The following FSHR variants were observed in gnomAD, a reference collection of about 807,000 sequenced individuals.
The protein encoded by FSHR is follicle stimulating hormone receptor.
In FSHR, 46 loss-of-function variants were observed where a neutral mutation model predicts 52.1. The ratio of observed to expected loss-of-function variants is 0.88; its 90% CI spans 0.70 to 1.13. The LOEUF (loss-of-function observed/expected upper bound fraction) is 1.13, where lower values mean the gene tolerates loss of function less well. Ranked by LOEUF, FSHR falls within the 50% of genes most tolerant of loss-of-function variation. FSHR has a pLI of 0.00. For synonymous variants in FSHR, 399 were observed against 309.6 expected, an observed-to-expected ratio of 1.29 and a Z score of -3.03; for missense variants, 964 against 834.6, an observed-to-expected ratio of 1.16 and a Z score of -1.91.
At chr2:49,123,483 T>A (rs1434130566) in intron 1 of FSHR, among the ~76,000 whole-genome samples, 1 of 152,064 alleles carries the variant, frequency 6.6e-6, no homozygotes, top group African/African-American at 2.4e-5. Flanking sequence ...TGAGACCCTG[T>A]CTCAAATTTT....
chr2:49,021,308 G>T (rs1667687777), intron 2 of FSHR, among the ~76,000 whole-genome samples: 1 of 152,124 alleles, frequency 6.6e-6, no homozygotes, highest in Admixed American at 6.5e-5. Context: ...CCCAGAGGTT[G>T]TGAGGAGAGA....
At chr2:49,006,754 C>T (rs1667088877) in intron 4 of FSHR, among the ~76,000 whole-genome samples, 1 of 152,100 alleles carries the variant, frequency 6.6e-6, no homozygotes, top group Non-Finnish European at 1.5e-5. Context: ...AGACTTTTCT[C>T]CCCAAAGGAC....
intron 1 of FSHR, among the ~76,000 whole-genome samples, chr2:49,092,107 C>G (rs139855705): frequency 2.7e-4 from 41 of 152,260 alleles, no homozygotes; most frequent in African/African-American, 9.6e-4. Flanking sequence ...AGGTTTACAA[C>G]TAAGTATTTC....
At chr2:49,086,374 A>G (rs1670392875) in intron 1 of FSHR, among the ~76,000 whole-genome samples, 1 of 152,212 alleles carries the variant, frequency 6.6e-6, no homozygotes, top group Non-Finnish European at 1.5e-5. Context: ...ACAATTAGCT[A>G]TAATTGAGTG....
intron 4 of FSHR, among the ~76,000 whole-genome samples, chr2:48,996,598 A>G (rs191071237): frequency 1.8e-4 from 28 of 152,256 alleles, no homozygotes; most frequent in African/African-American, 5.8e-4. Flanking sequence ...ATTTTAAACC[A>G]TGACATCACC....
rs1674681117 is a variant in FSHR, at chr2:48,970,288, T to C, written c.669-1405A>G. ...ATTTCCCAAGCAAATTTATACTAGT[T>C]GTTCATGCTTTTATTTCCTCATCTC... is the stretch of plus-strand genomic sequence containing the variant. On this transcript the variant is annotated intron_variant, in intron 8 of 9. Transcript: ENST00000406846. 2.0e-5 allele frequency among the ~76,000 whole-genome samples: 3 copies of C among 152,322 alleles called. No individual in the cohort carries two copies. In the South Asian group the frequency reaches 6.2e-4, roughly 32 times the overall value.
chr2:48,971,356 T>C (rs2104016559), intron 8 of FSHR, among the ~76,000 whole-genome samples: 1 of 152,338 alleles, frequency 6.6e-6, no homozygotes, highest in South Asian at 2.1e-4. Context: ...CTGAGTCTTC[T>C]CTGTGACTTC....
At chr2:48,992,074 G>C (rs893432876) in intron 4 of FSHR, among the ~76,000 whole-genome samples, 10 of 151,352 alleles carry the variant, frequency 6.6e-5, no homozygotes, top group African/African-American at 2.4e-4. Context: ...AAGCTGTCTT[G>C]GGCAATTCTC....
At chr2:48,964,973 C>T (rs141333017) in intron 9 of FSHR, among the ~76,000 whole-genome samples, 2 of 146,836 alleles carry the variant, frequency 1.4e-5, no homozygotes, top group African/African-American at 2.5e-5. Context: ...ATAAGCCTTA[C>T]GTTAGGACCT....
At chr2:49,082,437 G>A (rs1470723594) in intron 1 of FSHR, among the ~76,000 whole-genome samples, 3 of 152,160 alleles carry the variant, frequency 2.0e-5, no homozygotes, top group African/African-American at 7.2e-5. Context: ...AAAGCAGAGC[G>A]ACTCTCCTCC....
intron 1 of FSHR, among the ~76,000 whole-genome samples, chr2:49,104,546 A>C (rs1671156368): frequency 6.6e-6 from 1 of 152,168 alleles, no homozygotes; most frequent in Non-Finnish European, 1.5e-5. Context: ...TTTGCATTCT[A>C]GTCAAGCTGT....
At chr2:49,021,845 C>CTT (rs1667714935) in intron 2 of FSHR, among the ~76,000 whole-genome samples, 1 of 30,334 alleles carries the variant, frequency 3.3e-5, no homozygotes, top group African/African-American at 1.4e-4. Context: ...CTCTCTCTCT[C>CTT]TCTCTCTCTC....
intron 4 of FSHR, among the ~76,000 whole-genome samples, chr2:49,003,348 G>C (rs1467825144): frequency 6.6e-6 from 1 of 152,128 alleles, no homozygotes; most frequent in African/African-American, 2.4e-5. Flanking sequence ...ACTGGACACA[G>C]CCCTTGCTCT....
Position 48,963,105 on chromosome 2 carries a change from C to A in FSHR, c.1716G>T (p.Lys572Asn). 6.2e-7 allele frequency: 1 copy of A among 1,614,082 alleles called. No homozygotes were observed. Among genetic ancestry groups the A allele is most frequent in the Non-Finnish European group, 8.5e-7 (1 of 1,180,000 alleles). The change falls in exon 10 of 10, where the codon AAG becomes AAT. Residue 572 changes from lysine to asparagine, a missense_variant. Lys to Asn is a moderately conservative substitution (Grantham distance 94). Coordinates refer to ENST00000406846, the MANE Select transcript of FSHR (RefSeq NM_000145.4). ...CAGTGAAGATGAGCATGGCCATGCG[C>A]TTGGCGATCCTGGTGTCACTAGAGG... ...VSSSSDTRIAKRMAMLIFTDF... is the reference protein window; with the variant it reads ...VSSSSDTRIANRMAMLIFTDF...
rs546339103 is a variant in FSHR, at chr2:49,019,461, C to T, written c.299+625G>A. On this transcript the variant is annotated intron_variant, in intron 3 of 9. Coordinates refer to ENST00000406846, the MANE Select transcript of FSHR (RefSeq NM_000145.4). ...AACAGAAGTGGATCTGTGTGAGCAG[C>T]GCTATTATGTAAAACTGGAACATCA... Among the ~76,000 whole-genome samples the T allele has an allele frequency of 7.9e-5, 12 of 152,128 alleles. No homozygotes were observed. The South Asian group carries it at 8.3e-4, about 11-fold the overall frequency.
At chr2:49,102,773 T>C (rs916147362) in intron 1 of FSHR, among the ~76,000 whole-genome samples, 1 of 152,128 alleles carries the variant, frequency 6.6e-6, no homozygotes, top group Non-Finnish European at 1.5e-5. Flanking sequence ...TAATAAAATA[T>C]TATAGATTTG....
At chr2:49,080,885 C>A (rs953729478) in intron 1 of FSHR, among the ~76,000 whole-genome samples, 1 of 152,124 alleles carries the variant, frequency 6.6e-6, no homozygotes, top group African/African-American at 2.4e-5. Flanking sequence ...GGCCATTATT[C>A]CCCTACTCTA....
Position 48,963,810 on chromosome 2 carries a change from T to G in FSHR, c.1011A>C (p.Leu337Phe). 1 of 1,614,162 alleles carries G rather than the reference T, an allele frequency of 6.2e-7. No individual in the cohort carries two copies. Among genetic ancestry groups the G allele is most frequent in the Non-Finnish European group, 8.5e-7 (1 of 1,180,010 alleles). Residue 337 changes from leucine (L) to phenylalanine (F), a missense_variant, in exon 10 of 10, where the codon TTA becomes TTC. Transcript: ENST00000406846. ...AGGTCACGTCAACCACTTCATTGCA[T>G]AAGTCATAGTCAAACTCAGTGTACG... Reference protein sequence around the residue: ...DMTYTEFDYDLCNEVVDVTCS... With the variant: ...DMTYTEFDYDFCNEVVDVTCS...
intron 1 of FSHR, among the ~76,000 whole-genome samples, chr2:49,150,076 G>T (rs1447424926): frequency 6.6e-6 from 1 of 151,952 alleles, no homozygotes; most frequent in Non-Finnish European, 1.5e-5. Flanking sequence ...AATTCTAACT[G>T]CAGGAAGAAT....
Sources: gnomAD v4.1 joint callset for allele counts (sites outside exome capture counted in the v4.1 genomes callset) on GRCh38, gnomAD v4.1.1 for gene constraint, MANE v1.5 for transcripts, NCBI Gene and HGNC (gene_info 2026-07-23, HGNC 2026-07-21) for gene names.